TOX: variants seen among roughly 807,000 people sequenced by gnomAD.
The protein encoded by TOX is thymocyte selection associated high mobility group box.
In TOX, 11 loss-of-function variants were observed where a neutral mutation model predicts 53.7. The ratio of observed to expected loss-of-function variants is 0.20; its 90% CI spans 0.13 to 0.34. TOX has a LOEUF of 0.34. Ranked by LOEUF, TOX falls within the 10% of genes least tolerant of loss-of-function variation. The pLI is 1.00. For missense variants in TOX, 570 were observed against 664.6 expected (o/e 0.86, Z 1.56); for synonymous variants, 225 against 245.3 (o/e 0.92, Z 0.77).
intron 3 of TOX, among the ~76,000 whole-genome samples, chr8:58,873,957 G>GTTTTTTTTTTTTTTTTTTTTTTTTTT (rs1585873069): frequency 4.5e-5 from 2 of 43,992 alleles, no homozygotes; most frequent in African/African-American, 3.1e-4. Flanking sequence ...ATGCCAGGAA[G>GTTTTTTTTTTTTTTTTTTTTTTTTTT]CTTTTTTTTT....
At chr8:58,904,081 T>A (rs1043317976) in intron 3 of TOX, among the ~76,000 whole-genome samples, 3 of 152,186 alleles carry the variant, frequency 2.0e-5, no homozygotes, top group African/African-American at 4.8e-5. Context: ...TCATGTTTTT[T>A]AAAAAGATTC....
intron 3 of TOX, among the ~76,000 whole-genome samples, chr8:58,904,601 C>T (rs1811783924): frequency 6.6e-6 from 1 of 152,168 alleles, no homozygotes; most frequent in East Asian, 1.9e-4. Flanking sequence ...AATAGCTATA[C>T]TCCAGTAATC....
intron 7 of TOX, among the ~76,000 whole-genome samples, chr8:58,812,341 C>G (rs1448484464): frequency 6.6e-6 from 1 of 152,144 alleles, no homozygotes; most frequent in Non-Finnish European, 1.5e-5. Context: ...TCTGACCTTG[C>G]CCCTACCTCT....
intron 1 of TOX, among the ~76,000 whole-genome samples, chr8:59,033,578 C>T (rs1056093050): frequency 2.6e-5 from 4 of 152,222 alleles, no homozygotes; most frequent in Middle Eastern, 3.4e-3. Context: ...GATGCCCAGT[C>T]GCCACTATTA....
chr8:58,836,978 AT>A (rs1184515224), intron 5 of TOX, among the ~76,000 whole-genome samples: 2 of 152,216 alleles, frequency 1.3e-5, no homozygotes, highest in African/African-American at 4.8e-5. Flanking sequence ...TTGGGTAATA[AT>A]TTCCCTGTAT....
At chr8:59,020,855 G>T (rs913955197) in intron 1 of TOX, among the ~76,000 whole-genome samples, 4 of 151,926 alleles carry the variant, frequency 2.6e-5, no homozygotes, top group African/African-American at 9.7e-5. Flanking sequence ...TATAGTTTAG[G>T]CAATAGTAAT....
chr8:59,053,686 G>A (rs1467143146), intron 1 of TOX, among the ~76,000 whole-genome samples: 1 of 152,192 alleles, frequency 6.6e-6, no homozygotes, highest in African/African-American at 2.4e-5. Flanking sequence ...GGATCAATGT[G>A]TAAGTGGTAT....
chr8:58,968,946 C>T (rs1257893288), intron 1 of TOX, among the ~76,000 whole-genome samples: 2 of 152,002 alleles, frequency 1.3e-5, no homozygotes, highest in African/African-American at 4.8e-5. Context: ...CAAGGACAAA[C>T]GATTCTTGAA....
intron 1 of TOX, among the ~76,000 whole-genome samples, chr8:59,017,714 C>G (rs1585966743): frequency 6.6e-6 from 1 of 152,222 alleles, no homozygotes; most frequent in East Asian, 1.9e-4. Flanking sequence ...TGCAATTCAC[C>G]AGGTAATATT....
intron 1 of TOX, among the ~76,000 whole-genome samples, chr8:59,009,441 C>T (rs1023974114): frequency 2.6e-5 from 4 of 151,702 alleles, no homozygotes; most frequent in East Asian, 3.9e-4. Context: ...GGTGCCATCT[C>T]GGCTCACTGC....
At chr8:59,073,850 T>C (rs1441917037) in intron 1 of TOX, among the ~76,000 whole-genome samples, 2 of 152,200 alleles carry the variant, frequency 1.3e-5, no homozygotes, top group Non-Finnish European at 2.9e-5. Flanking sequence ...ATTGTGACTT[T>C]CTGTGAGGCC....
intron 1 of TOX, among the ~76,000 whole-genome samples, chr8:59,004,337 C>T (rs1251051799): frequency 1.3e-5 from 2 of 152,166 alleles, no homozygotes; most frequent in Non-Finnish European, 2.9e-5. Flanking sequence ...AGTTTGACTC[C>T]AGTCAGTAGC....
At chr8:58,958,710 T>C (rs949689730) in intron 2 of TOX, among the ~76,000 whole-genome samples, 1 of 152,230 alleles carries the variant, frequency 6.6e-6, no homozygotes, top group Admixed American at 6.5e-5. Context: ...AACAGCTCAG[T>C]TGAATGGAAG....
At chr8:58,989,888 T>C (rs1385317259) in intron 1 of TOX, among the ~76,000 whole-genome samples, 1 of 152,128 alleles carries the variant, frequency 6.6e-6, no homozygotes, top group Non-Finnish European at 1.5e-5. Context: ...AGAAGCCCTA[T>C]TCACACCTCA....
rs567838147 is a variant in TOX at position 58,990,985 on chromosome 8, C to T, written c.103-30977G>A. On this transcript the variant is annotated intron_variant, in intron 1 of 8. Transcript: ENST00000361421. The stretch of plus-strand genomic sequence containing the variant: ...TGTATTGAGCACTTACAAAATTGAG[C>T]ACTCTTCTAAGTGCTTTGCCTATGT... Among the ~76,000 whole-genome samples, 4 of 152,296 alleles carry T rather than the reference C, an allele frequency of 2.6e-5. No homozygotes were observed. In the East Asian group the frequency reaches 7.7e-4, roughly 29 times the overall value.
intron 1 of TOX, among the ~76,000 whole-genome samples, chr8:59,040,358 C>T (rs1466237105): frequency 1.4e-5 from 2 of 143,874 alleles, no homozygotes; most frequent in Non-Finnish European, 3.1e-5. Flanking sequence ...AAAGAAGCAT[C>T]AATTTCCTTC....
intron 3 of TOX, among the ~76,000 whole-genome samples, chr8:58,878,973 A>G (rs1421727724): frequency 6.6e-6 from 1 of 151,484 alleles, no homozygotes; most frequent in Non-Finnish European, 1.5e-5. Context: ...AGGTAGGAAA[A>G]TCGCTTGAAC....
chr8:58,832,073 T>C (rs975622251), intron 5 of TOX, among the ~76,000 whole-genome samples: 1 of 149,810 alleles, frequency 6.7e-6, no homozygotes, highest in African/African-American at 2.4e-5. Context: ...CATAAAGGCA[T>C]GTAAGAATCA....
chr8:59,078,922 G>C (rs1804342085), intron 1 of TOX, among the ~76,000 whole-genome samples: 1 of 152,194 alleles, frequency 6.6e-6, no homozygotes, highest in Non-Finnish European at 1.5e-5. Flanking sequence ...GAACATAATT[G>C]GGAACTACAG....
Sources: allele counts gnomAD v4.1 joint callset (sites outside exome capture counted in the v4.1 genomes callset), GRCh38; gene constraint gnomAD v4.1.1; transcripts MANE v1.5; gene names NCBI Gene and HGNC (gene_info 2026-07-23, HGNC 2026-07-21).